Variants in CNR1 observed in about 807,000 individuals in gnomAD.
CNR1 encodes the protein cannabinoid receptor 1, also known as cannabinoid receptor 1 (brain).
CNR1 carries 10 observed loss-of-function variants against 23.0 expected under a neutral mutation model. The ratio of observed to expected loss-of-function variants is 0.43; its 90% CI spans 0.27 to 0.74. CNR1 has a LOEUF of 0.74. Ranked by LOEUF, CNR1 falls within the 30% of genes least tolerant of loss-of-function variation. The pLI is 0.19. For synonymous variants in CNR1, 271 were observed against 255.2 expected (o/e 1.06, Z -0.59); for missense variants, 422 against 618.8 (o/e 0.68, Z 3.37).
chr6:88,155,513 C>T (rs957033065), intron 1 of CNR1, among the ~76,000 whole-genome samples: 1 of 152,158 alleles, frequency 6.6e-6, no homozygotes, highest in African/African-American at 2.4e-5. Context: ...TAATTCAAAG[C>T]CCCTGCTCTC....
intron 1 of CNR1, among the ~76,000 whole-genome samples, chr6:88,150,063 G>A (rs1488659417): frequency 2.0e-5 from 3 of 152,096 alleles, no homozygotes; most frequent in African/African-American, 4.8e-5. Context: ...AAAATTAGAG[G>A]ACAGAAAAAA....
At chr6:88,160,973 A>G (rs1033457292) in intron 1 of CNR1, among the ~76,000 whole-genome samples, 1 of 152,238 alleles carries the variant, frequency 6.6e-6, no homozygotes, top group Non-Finnish European at 1.5e-5. Context: ...GTGGAAAAAT[A>G]AGACATTAAG....
chr6:88,160,850 T>C (rs1778065520), intron 1 of CNR1, among the ~76,000 whole-genome samples: 1 of 152,168 alleles, frequency 6.6e-6, no homozygotes, highest in African/African-American at 2.4e-5. Flanking sequence ...TTCTCTAAAG[T>C]TATGATCTAA....
In CNR1 at chr6:88,143,805, T is replaced by G; in HGVS notation, c.*51A>C. On this transcript the variant is annotated 3_prime_UTR_variant, in exon 2 of 2. Transcript: ENST00000369501. ...GGAGACAATAGACTCTTCTAGATTT[T>G]GAGCTTAAAAAAAAAAATTCTTTTC... 7.1e-7 allele frequency: 1 copy of G among 1,417,958 alleles called. No individual in the cohort carries two copies. The highest frequency in any genetic ancestry group is 9.7e-7 in the Non-Finnish European group (1 of 1,028,268). 87.8% of individuals were successfully genotyped at this position (1,417,958 alleles called of 1,614,324 possible).
At chr6:88,162,856 C>G (rs1446922725) in intron 1 of CNR1, 4 of 152,128 alleles carry the variant, frequency 2.6e-5, no homozygotes, top group African/African-American at 9.7e-5. Flanking sequence ...GAGCCAACAG[C>G]AGAATTATAA....
intron 1 of CNR1, among the ~76,000 whole-genome samples, chr6:88,163,321 A>T (rs1259107310): frequency 6.6e-6 from 1 of 152,218 alleles, no homozygotes; most frequent in East Asian, 1.9e-4. Flanking sequence ...TTTTTGCAGC[A>T]TTCCTGGATA....
chr6:88,155,809 T>C (rs1486858115), intron 1 of CNR1, among the ~76,000 whole-genome samples: 1 of 152,210 alleles, frequency 6.6e-6, no homozygotes, highest in Non-Finnish European at 1.5e-5. Flanking sequence ...AACTGGCAAA[T>C]AAAACCTAAG....
At chr6:88,159,417 C>T (rs1777968620) in intron 1 of CNR1, among the ~76,000 whole-genome samples, 3 of 152,130 alleles carry the variant, frequency 2.0e-5, no homozygotes, top group Admixed American at 6.5e-5. Flanking sequence ...GGACCTATTT[C>T]AAAAATACCT....
Position 88,144,939 on chromosome 6 carries a change from G to A in CNR1, c.336C>T (p.Asn112=), listed in dbSNP as rs767016531. The part of the protein sequence containing the change: ...FMDIECFMVL[N]PSQQLAIAVL... Reference sequence around the variant, plus strand: ...CTGCAATGGCCAGCTGCTGGCTGGGGTTCAGGACCATGAAACACTCTATGT... The same window carrying A: ...CTGCAATGGCCAGCTGCTGGCTGGGATTCAGGACCATGAAACACTCTATGT... Residue 112 remains asparagine, a synonymous_variant, in exon 2 of 2, where the codon AAC becomes AAT. Transcript: ENST00000369501. The surrounding 1 kb of genome is among the most constrained non-coding windows in gnomAD (Gnocchi z 7.8). 1.1e-5 allele frequency: 17 copies of A among 1,614,008 alleles called. No homozygotes were observed. Among genetic ancestry groups the A allele is most frequent in the Admixed American group, 1.7e-5 (1 of 60,006 alleles).
chr6:88,141,053 T>C lies in CNR1; in HGVS notation c.*2803A>G, dbSNP rs1463966163. On this transcript the variant is annotated 3_prime_UTR_variant, in exon 2 of 2. Coordinates refer to ENST00000369501, the MANE Select transcript of CNR1 (RefSeq NM_016083.6). ...AAAATGCATGGTCAGGGCAAGTACA[T>C]CATCCTCAGAGGAAAGTAAGATACC... 1 of 152,294 alleles carries C rather than the reference T, an allele frequency of 6.6e-6. No homozygotes were observed. The highest frequency in any genetic ancestry group is 6.5e-5 in the Admixed American group (1 of 15,276). The allele number at this position is 152,294 out of a possible 1,614,324, so 9.4% of individuals were successfully genotyped here.
Position 88,142,192 on chromosome 6 carries a change from G to A in CNR1, c.*1664C>T, listed in dbSNP as rs897749411. On this transcript the variant is annotated 3_prime_UTR_variant, in exon 2 of 2. Transcript: ENST00000369501. ...CTCAGCTGTCACCAAGGGCATGTGG[G>A]CAAAGCACAGATACAGCATAGCTAG... 6.6e-6 allele frequency: 1 copy of A among 152,352 alleles called. No individual in the cohort carries two copies. The highest frequency in any genetic ancestry group is 2.4e-5 in the African/African-American group (1 of 41,444). The allele number at this position is 152,352 out of a possible 1,614,324, so 9.4% of individuals were successfully genotyped here. A position where few individuals can be genotyped will look rare whatever the true frequency, so the allele number is the denominator to read the frequency against.
chr6:88,159,625 T>C (rs1014923317), intron 1 of CNR1, among the ~76,000 whole-genome samples: 3 of 152,220 alleles, frequency 2.0e-5, no homozygotes, highest in Non-Finnish European at 2.9e-5. Context: ...TTTCCAAAAG[T>C]AGCTGTGTAT....
chr6:88,145,249 G>C lies in CNR1; in HGVS notation c.26C>G (p.Ala9Gly). The change falls in exon 2 of 2, where the codon GCA becomes GGA. Residue 9 changes from alanine to glycine, a missense_variant. Ala to Gly is a moderately conservative substitution (Grantham distance 60). Around this residue, in one of 4 missense-constraint regions of CNR1, gnomAD observed 120 missense variants for 117.6 expected, o/e 1.02. Transcript: ENST00000369501. MKSILDGL[A>G]DTTFRTITTD... is the part of the protein sequence containing the mutation. ...GGTGATGGTGCGGAAGGTGGTATCT[G>C]CAAGGCCATCTAGGATCGACTTCAT... 1 of 1,613,126 alleles carries C rather than the reference G, an allele frequency of 6.2e-7. No homozygotes were observed. Among genetic ancestry groups the C allele is most frequent in the South Asian group, 1.1e-5 (1 of 90,938 alleles).
rs1330634802 is a variant in CNR1, at chr6:88,155,227, C to A, written c.-63-9890G>T. On this transcript the variant is annotated intron_variant, in intron 1 of 1. Transcript: ENST00000369501. ...GAGTCCATAATCATGCAAATTAACTCCAACTAAAAGCCAAGTCTTATTTCT... is the reference window on the plus strand; with the variant it reads ...GAGTCCATAATCATGCAAATTAACTACAACTAAAAGCCAAGTCTTATTTCT... Among the ~76,000 whole-genome samples the A allele has an allele frequency of 3.3e-5, 5 of 152,130 alleles. No individual in the cohort carries two copies. The East Asian group carries it at 9.6e-4, about 29-fold the overall frequency.
chr6:88,146,459 T>C (rs806369), intron 1 of CNR1, among the ~76,000 whole-genome samples: 112,738 of 152,050 alleles, frequency 0.74, 42,401 homozygotes, highest in African/African-American at 0.87. Flanking sequence ...GATAGTCCCC[T>C]TCATGAGCAG....
intron 1 of CNR1, among the ~76,000 whole-genome samples, chr6:88,153,561 T>C (rs1316866293): frequency 6.6e-6 from 1 of 152,236 alleles, no homozygotes; most frequent in Non-Finnish European, 1.5e-5. Context: ...GCTTAACTTG[T>C]TGTTTTTCCT....
At chr6:88,159,794 C>T (rs1276515278) in intron 1 of CNR1, among the ~76,000 whole-genome samples, 1 of 152,196 alleles carries the variant, frequency 6.6e-6, no homozygotes, top group African/African-American at 2.4e-5. Context: ...TTAGCAAATT[C>T]TGGTAGCAAT....
chr6:88,160,026 T>C (rs979797346), intron 1 of CNR1, among the ~76,000 whole-genome samples: 10 of 152,172 alleles, frequency 6.6e-5, no homozygotes, highest in Non-Finnish European at 4.4e-5. Flanking sequence ...TAACTTGCTA[T>C]ATTAAAAACA....
At chr6:88,160,690 C>T (rs1393893300) in intron 1 of CNR1, among the ~76,000 whole-genome samples, 1 of 152,144 alleles carries the variant, frequency 6.6e-6, no homozygotes, top group Non-Finnish European at 1.5e-5. Context: ...CTGCCTTGGC[C>T]TCCCAAAGTG....
Sources: allele counts gnomAD v4.1 joint callset (sites outside exome capture counted in the v4.1 genomes callset), GRCh38; gene constraint gnomAD v4.1.1; regional missense constraint gnomAD v4.1.1; non-coding constraint Gnocchi (gnomAD v3.1); transcripts MANE v1.5; gene names NCBI Gene and HGNC (gene_info 2026-07-23, HGNC 2026-07-21).